GPR158: variants seen among roughly 807,000 people sequenced by gnomAD.
GPR158 encodes G protein-coupled receptor 158, also known as metabotropic glycine receptor.
Under a neutral mutation model 78.2 loss-of-function variants are expected in GPR158, and 30 were observed. The ratio of observed to expected loss-of-function variants is 0.38; its 90% CI spans 0.29 to 0.52. The LOEUF is 0.52. Ranked by LOEUF, GPR158 falls within the 20% of genes least tolerant of loss-of-function variation. The pLI is 0.83. For synonymous variants in GPR158, 581 were observed against 591.1 expected, an observed-to-expected ratio of 0.98 and a Z score of 0.25; for missense variants, 1,463 against 1,523.5, an observed-to-expected ratio of 0.96 and a Z score of 0.66.
intron 2 of GPR158, among the ~76,000 whole-genome samples, chr10:25,352,041 A>G (rs918154578): frequency 3.3e-5 from 5 of 150,550 alleles, no homozygotes; most frequent in African/African-American, 1.2e-4. Context: ...ACTCAAATAC[A>G]TACTTTATCC....
intron 2 of GPR158, among the ~76,000 whole-genome samples, chr10:25,275,494 G>C (rs918587447): frequency 1.3e-5 from 2 of 152,076 alleles, no homozygotes. Context: ...CTTTCCTATC[G>C]GTAACAACCT....
intron 5 of GPR158, among the ~76,000 whole-genome samples, chr10:25,486,063 T>G (rs1835730817): frequency 6.6e-6 from 1 of 152,172 alleles, no homozygotes; most frequent in Non-Finnish European, 1.5e-5. Context: ...TATGGATCCC[T>G]TGATCTTCCC....
At chr10:25,434,962 A>G (rs1320110371) in intron 4 of GPR158, among the ~76,000 whole-genome samples, 2 of 152,198 alleles carry the variant, frequency 1.3e-5, no homozygotes, top group Non-Finnish European at 2.9e-5. Flanking sequence ...TAGAGAGCAC[A>G]CATACATTCT....
intron 5 of GPR158, among the ~76,000 whole-genome samples, chr10:25,521,098 G>T (rs575691257): frequency 2.0e-5 from 3 of 152,228 alleles, no homozygotes; most frequent in African/African-American, 4.8e-5. Flanking sequence ...TCGGAAAAGC[G>T]CAGTATTCGG....
At chr10:25,238,721 G>T (rs1853563143) in intron 2 of GPR158, among the ~76,000 whole-genome samples, 1 of 152,136 alleles carries the variant, frequency 6.6e-6, no homozygotes, top group Non-Finnish European at 1.5e-5. Flanking sequence ...TAGAAAATGG[G>T]ATTTGTTTCC....
chr10:25,218,194 C>G (rs1321000982), intron 1 of GPR158, among the ~76,000 whole-genome samples: 4 of 152,048 alleles, frequency 2.6e-5, no homozygotes, highest in Non-Finnish European at 4.4e-5. Flanking sequence ...TTTTGTAAGT[C>G]TCTGGGCGCC....
At chr10:25,418,197 C>T (rs1834690689) in intron 4 of GPR158, among the ~76,000 whole-genome samples, 2 of 152,266 alleles carry the variant, frequency 1.3e-5, no homozygotes, top group African/African-American at 4.8e-5. Context: ...CTTTCAGTTG[C>T]ATGGTTCTTC....
intron 4 of GPR158, among the ~76,000 whole-genome samples, chr10:25,417,985 C>G (rs1298589533): frequency 6.6e-6 from 1 of 152,140 alleles, no homozygotes; most frequent in Non-Finnish European, 1.5e-5. Context: ...GGAACTGAGG[C>G]CCCTTTTATT....
chr10:25,224,347 C>T (rs774295066), intron 2 of GPR158, among the ~76,000 whole-genome samples: 1 of 151,616 alleles, frequency 6.6e-6, no homozygotes, highest in Non-Finnish European at 1.5e-5. Flanking sequence ...TTAGTAAATA[C>T]CTTTTAAACA....
intron 2 of GPR158, among the ~76,000 whole-genome samples, chr10:25,310,024 A>G (rs1854741059): frequency 2.0e-5 from 3 of 152,292 alleles, no homozygotes; most frequent in South Asian, 2.1e-4. Context: ...CCTCTGTTTT[A>G]TAGTTTTCAC....
intron 5 of GPR158, among the ~76,000 whole-genome samples, chr10:25,521,608 T>G (rs1836275669): frequency 6.6e-6 from 1 of 152,192 alleles, no homozygotes; most frequent in African/African-American, 2.4e-5. Flanking sequence ...GAACCTTGTA[T>G]TGTCATATTA....
In GPR158 at chr10:25,493,559, A is replaced by G. The variant is rs375051888; in HGVS notation, c.1404+26840A>G. Among the ~76,000 whole-genome samples, 119 of 152,270 alleles carry G rather than the reference A, an allele frequency of 7.8e-4. 3 individuals carry two copies. In the South Asian group the frequency reaches 0.023, roughly 30 times the overall value. ...AGCATCTGGAGACAGGTACCCCATT[A>G]CTCAGGAAACTCCCTAGACTTTTTA... On this transcript the variant is annotated intron_variant, in intron 5 of 10. Transcript: ENST00000376351.
At chr10:25,328,655 G>C (rs868767186) in intron 2 of GPR158, among the ~76,000 whole-genome samples, 39 of 152,058 alleles carry the variant, frequency 2.6e-4, no homozygotes, top group African/African-American at 8.9e-4. Flanking sequence ...GGCCGGGCGT[G>C]GTACCTCATG....
At chr10:25,362,510 A>G (rs1273963545) in intron 2 of GPR158, among the ~76,000 whole-genome samples, 4 of 151,900 alleles carry the variant, frequency 2.6e-5, no homozygotes, top group Non-Finnish European at 4.4e-5. Context: ...TTAGATAGGA[A>G]TTGTGTTGAA....
At chr10:25,271,398 A>G (rs1016812679) in intron 2 of GPR158, among the ~76,000 whole-genome samples, 1 of 152,200 alleles carries the variant, frequency 6.6e-6, no homozygotes, top group East Asian at 1.9e-4. Context: ...AATTTTTAGC[A>G]TAATTCTAAA....
chr10:25,522,391 T>C (rs1836289928), intron 5 of GPR158, among the ~76,000 whole-genome samples: 1 of 152,196 alleles, frequency 6.6e-6, no homozygotes, highest in Non-Finnish European at 1.5e-5. Flanking sequence ...ATTGTAGGCT[T>C]ACTTTTTTAT....
intron 2 of GPR158, among the ~76,000 whole-genome samples, chr10:25,336,093 T>TA (rs1017062012): frequency 2.0e-5 from 3 of 152,124 alleles, no homozygotes; most frequent in Non-Finnish European, 2.9e-5. Flanking sequence ...ACTATTATTG[T>TA]AAAAAAATGT....
chr10:25,422,092 T>A lies in GPR158; in HGVS notation c.1335+9619T>A, dbSNP rs111872013. On this transcript the variant is annotated intron_variant, in intron 4 of 10. Transcript: ENST00000376351. ...GGTAGTTTTAGATGCCTGTCACACC[T>A]GACCATTCACCCACCACCGACTGTT... is the stretch of plus-strand genomic sequence containing the variant. 3.4e-3 allele frequency among the ~76,000 whole-genome samples: 512 copies of A among 152,270 alleles called. 2 individuals carry two copies. The highest frequency in any genetic ancestry group is 4.9e-3 in the Non-Finnish European group (331 of 68,020).
chr10:25,402,522 A>G (rs1588846454), intron 3 of GPR158, among the ~76,000 whole-genome samples: 6 of 152,206 alleles, frequency 3.9e-5, no homozygotes, highest in Admixed American at 3.3e-4. Context: ...TTCATAGGAC[A>G]TGCTAGCTGA....
Sources: gnomAD v4.1 joint callset for allele counts (sites outside exome capture counted in the v4.1 genomes callset) on GRCh38, gnomAD v4.1.1 for gene constraint, MANE v1.5 for transcripts, NCBI Gene and HGNC (gene_info 2026-07-23, HGNC 2026-07-21) for gene names.